SCN9A: variants seen among roughly 807,000 people sequenced by gnomAD.
The protein encoded by SCN9A is sodium voltage-gated channel alpha subunit 9, also known as sodium channel protein type 9 subunit alpha.
In SCN9A, 131 loss-of-function variants were observed where a neutral mutation model predicts 187.0. The ratio of observed to expected loss-of-function variants is 0.70; its 90% confidence interval spans 0.61 to 0.81. The LOEUF (loss-of-function observed/expected upper bound fraction) is 0.81, where lower values mean the gene tolerates loss of function less well. SCN9A is among the 30% of genes least tolerant of loss of function. The probability of loss-of-function intolerance (pLI) is 0.00; values close to 1 mark genes in which losing one functional copy is unlikely to be tolerated. For missense variants in SCN9A, 2,252 were observed against 2,396.6 expected, an observed-to-expected ratio of 0.94 and a Z score of 1.26; for synonymous variants, 809 against 808.6, an observed-to-expected ratio of 1.00 and a Z score of -0.01.
chr2:166,342,389 G>T (rs1445629802), intron 1 of SCN9A, among the ~76,000 whole-genome samples: 1 of 152,120 alleles, frequency 6.6e-6, no homozygotes, highest in African/African-American at 2.4e-5. Flanking sequence ...GTCAACTACT[G>T]CAGTTAGCTT....
At chr2:166,246,733 C>G (rs1044631992) in intron 18 of SCN9A, among the ~76,000 whole-genome samples, 3 of 151,934 alleles carry the variant, frequency 2.0e-5, no homozygotes, top group African/African-American at 7.2e-5. Context: ...TTACTTTTGT[C>G]AATCTTAAAA....
intron 1 of SCN9A, among the ~76,000 whole-genome samples, chr2:166,369,379 G>C (rs1450521482): frequency 4.6e-5 from 7 of 152,092 alleles, no homozygotes; most frequent in Non-Finnish European, 1.0e-4. Context: ...AAATATAGTA[G>C]AGATGTAATA....
intron 1 of SCN9A, among the ~76,000 whole-genome samples, chr2:166,358,221 C>G (rs367683945): frequency 2.0e-5 from 3 of 151,938 alleles, no homozygotes; most frequent in Non-Finnish European, 2.9e-5. Flanking sequence ...AGGTACCCAC[C>G]ACCACACCCG....
At position 166,286,567 on chromosome 2, in the gene SCN9A, G is replaced by T. The variant is rs757493692; in HGVS notation, c.1371C>A (p.Gly457=). 1.2e-6 allele frequency: 2 copies of T among 1,601,748 alleles called. No individual in the cohort carries two copies. The highest frequency in any genetic ancestry group is 1.7e-6 in the Non-Finnish European group (2 of 1,175,980). ...ATGTTTCAGAAGAACTCTCTGAGAG[G>T]CCCATAATTCTGCTTCTCCTAATAC... The part of the protein sequence containing the change: ...YTSIRRSRIM[G]LSESSSETSK... The change falls in exon 11 of 27, where the codon GGC becomes GGA. Residue 457 remains glycine (G), a synonymous_variant. Transcript: ENST00000642356.
chr2:166,314,769 T>C (rs1699067258), intron 1 of SCN9A, among the ~76,000 whole-genome samples: 1 of 152,148 alleles, frequency 6.6e-6, no homozygotes, highest in Admixed American at 6.5e-5. Context: ...AAACAAAATG[T>C]AGAGTATTTT....
At chr2:166,200,395 T>C (rs1693450105) in intron 26 of SCN9A, among the ~76,000 whole-genome samples, 2 of 152,190 alleles carry the variant, frequency 1.3e-5, no homozygotes, top group Admixed American at 1.3e-4. Flanking sequence ...TTCTCCTTTT[T>C]ACTAAGTTCA....
intron 11 of SCN9A, 84 bp downstream of exon 11, chr2:166,286,252 T>C: frequency 7.7e-7 from 1 of 1,306,106 alleles, no homozygotes; most frequent in South Asian, 1.5e-5. Flanking sequence ...CACTATCCTC[T>C]CCCGAGTTCT....
In SCN9A at chr2:166,199,374, G is replaced by T; in HGVS notation, c.5265C>A (p.Tyr1755Ter). ...IISFLVVVNM[Y>*]IAVILENFSV... ...TAAAATTCTCCAGTATGACTGCAAT[G>T]TACATGTTCACCACAACCAGGAAGG... The change falls in exon 27 of 27, where the codon TAC becomes TAA. Residue 1755 changes from tyrosine (Y) to a stop codon, truncating the protein, a stop_gained. Coordinates refer to ENST00000642356, the MANE Select transcript of SCN9A (RefSeq NM_001365536.1). LOFTEE classifies it high-confidence loss of function. 6.2e-7 allele frequency: 1 copy of T among 1,614,170 alleles called. No homozygotes were observed.
chr2:166,244,190 C>T (rs1039436951), intron 18 of SCN9A, among the ~76,000 whole-genome samples: 10 of 151,806 alleles, frequency 6.6e-5, no homozygotes, highest in South Asian at 2.1e-4. Context: ...GAACCTGAAA[C>T]GGGAAAAACC....
At chr2:166,219,190 C>T (rs1694472873) in intron 24 of SCN9A, among the ~76,000 whole-genome samples, 1 of 152,108 alleles carries the variant, frequency 6.6e-6, no homozygotes, top group African/African-American at 2.4e-5. Flanking sequence ...ACAGAAATGC[C>T]ATTCAACCCA....
intron 1 of SCN9A, among the ~76,000 whole-genome samples, chr2:166,353,019 T>TTTA (rs1553504740): frequency 2.0e-4 from 31 of 151,516 alleles, no homozygotes; most frequent in Middle Eastern, 3.4e-3. Flanking sequence ...GTTTTTTTTT[T>TTTA]AATTTCTTTC....
chr2:166,364,952 C>T (rs971650660), intron 1 of SCN9A, among the ~76,000 whole-genome samples: 2 of 152,116 alleles, frequency 1.3e-5, no homozygotes, highest in Admixed American at 1.3e-4. Context: ...ACCCTGACAA[C>T]ATGCGGTGTC....
intron 2 of SCN9A, among the ~76,000 whole-genome samples, chr2:166,307,533 A>G (rs1266626346): frequency 6.6e-6 from 1 of 152,194 alleles, no homozygotes; most frequent in Non-Finnish European, 1.5e-5. Flanking sequence ...ATGTTCCAAA[A>G]TATGAGTTAT....
At chr2:166,207,058 T>G (rs1693841514) in intron 24 of SCN9A, among the ~76,000 whole-genome samples, 1 of 152,218 alleles carries the variant, frequency 6.6e-6, no homozygotes, top group Admixed American at 6.5e-5. Context: ...GAAGCTTCAG[T>G]TGCTCCCTTT....
chr2:166,256,061 T>G (rs1356816221), intron 17 of SCN9A, among the ~76,000 whole-genome samples: 1 of 151,060 alleles, frequency 6.6e-6, no homozygotes, highest in Non-Finnish European at 1.5e-5. Context: ...GGCATAAGAG[T>G]CCAATATTTT....
At chr2:166,313,690 T>C (rs568321346) in intron 1 of SCN9A, among the ~76,000 whole-genome samples, 4 of 152,130 alleles carry the variant, frequency 2.6e-5, no homozygotes, top group Admixed American at 1.3e-4. Context: ...TGTTTTCTTA[T>C]CATTCATGTG....
intron 24 of SCN9A, among the ~76,000 whole-genome samples, chr2:166,215,953 A>G (rs1269241915): frequency 6.6e-6 from 1 of 152,076 alleles, no homozygotes; most frequent in Non-Finnish European, 1.5e-5. Context: ...ACTGCAGGCC[A>G]ATATTCTTGA....
At chr2:166,336,716 G>C (rs1375580493) in intron 1 of SCN9A, among the ~76,000 whole-genome samples, 1 of 152,008 alleles carries the variant, frequency 6.6e-6, no homozygotes, top group Non-Finnish European at 1.5e-5. Flanking sequence ...GGTATTCTAG[G>C]CTTCCAATAT....
rs71031232 is a variant in SCN9A, at chr2:166,232,752, TAG to T, written c.3924+586_3924+587del. ...CTGTGTGTGTATATATATATATATA[TAG>T]AGAGAGAGAGAGTATGCATATATAT... On this transcript the variant is annotated intron_variant, in intron 21 of 26. Transcript: ENST00000642356. 9.6e-3 allele frequency among the ~76,000 whole-genome samples: 489 copies of T among 50,752 alleles called. 1 individual carries two copies. The highest frequency in any genetic ancestry group is 0.038 in the African/African-American group (435 of 11,386). The allele number at this position is 50,752 out of a possible 152,430, so 33.3% of individuals were successfully genotyped here. A position where few individuals can be genotyped will look rare whatever the true frequency, so the allele number is the denominator to read the frequency against.
Sources: gnomAD v4.1 joint callset for allele counts (sites outside exome capture counted in the v4.1 genomes callset) on GRCh38, gnomAD v4.1.1 for gene constraint, MANE v1.5 for transcripts, NCBI Gene and HGNC (gene_info 2026-07-23, HGNC 2026-07-21) for gene names.